Variants in FHIT observed in about 807,000 individuals in gnomAD.
The protein encoded by FHIT is fragile histidine triad diadenosine triphosphatase.
In FHIT, 19 loss-of-function variants were observed where a neutral mutation model predicts 17.9. That is an observed-to-expected ratio of 1.06 (90% confidence interval 0.74 to 1.56). The LOEUF is 1.56. FHIT is among the 40% of genes most tolerant of loss of function. The pLI, the probability that FHIT is intolerant of heterozygous loss-of-function variation, is 0.00. For synonymous variants in FHIT, 81 were observed against 69.7 expected, an observed-to-expected ratio of 1.16 and a Z score of -0.81; for missense variants, 248 against 189.2, an observed-to-expected ratio of 1.31 and a Z score of -1.82.
chr3:60,067,231 A>G (rs1702555077), intron 5 of FHIT, among the ~76,000 whole-genome samples: 2 of 152,162 alleles, frequency 1.3e-5, no homozygotes, highest in African/African-American at 4.8e-5. Context: ...AAAAAATGGC[A>G]CTTATAGATA....
chr3:60,004,617 T>C (rs773555818), intron 7 of FHIT, among the ~76,000 whole-genome samples: 41 of 152,192 alleles, frequency 2.7e-4, no homozygotes, highest in Admixed American at 6.5e-5. Context: ...GAGTTTCTTC[T>C]ACTGTGATTA....
chr3:60,925,595 A>G (rs1161659959), intron 3 of FHIT, among the ~76,000 whole-genome samples: 2 of 152,220 alleles, frequency 1.3e-5, no homozygotes, highest in African/African-American at 2.4e-5. Context: ...GGTACCAGCC[A>G]CTGCAGAAAT....
At chr3:60,456,517 T>C (rs1009651503) in intron 5 of FHIT, among the ~76,000 whole-genome samples, 9 of 152,236 alleles carry the variant, frequency 5.9e-5, no homozygotes, top group Non-Finnish European at 8.8e-5. Context: ...CCCTAAAGAC[T>C]TCAGCATTTA....
At chr3:60,148,475 A>G (rs1700329499) in intron 5 of FHIT, among the ~76,000 whole-genome samples, 1 of 152,206 alleles carries the variant, frequency 6.6e-6, no homozygotes, top group Non-Finnish European at 1.5e-5. Context: ...TTTCTGGTAG[A>G]ATTTTAACTT....
At chr3:59,977,012 C>G (rs1384554496) in intron 7 of FHIT, among the ~76,000 whole-genome samples, 1 of 152,034 alleles carries the variant, frequency 6.6e-6, no homozygotes, top group Non-Finnish European at 1.5e-5. Context: ...GTGGGTGGAT[C>G]AGGCAGTGGG....
At chr3:60,432,459 T>G (rs1414124812) in intron 5 of FHIT, among the ~76,000 whole-genome samples, 2 of 152,096 alleles carry the variant, frequency 1.3e-5, no homozygotes, top group Non-Finnish European at 2.9e-5. Flanking sequence ...AATATACTGA[T>G]AGTGATAAAA....
At chr3:60,256,573 G>A (rs1184966297) in intron 5 of FHIT, among the ~76,000 whole-genome samples, 1 of 152,184 alleles carries the variant, frequency 6.6e-6, no homozygotes, top group Non-Finnish European at 1.5e-5. Flanking sequence ...TAACTTGCCT[G>A]AGGTTACACA....
At chr3:60,329,539 C>T (rs1177849899) in intron 5 of FHIT, among the ~76,000 whole-genome samples, 2 of 152,206 alleles carry the variant, frequency 1.3e-5, no homozygotes, top group African/African-American at 4.8e-5. Flanking sequence ...AAGCAGACCC[C>T]TCTTTCTTTT....
intron 4 of FHIT, among the ~76,000 whole-genome samples, chr3:60,642,247 A>G (rs1033643423): frequency 2.0e-5 from 3 of 152,168 alleles, no homozygotes; most frequent in Non-Finnish European, 4.4e-5. Context: ...CTAATAGGCT[A>G]GGAAGGCGGG....
intron 1 of FHIT, among the ~76,000 whole-genome samples, chr3:61,202,200 C>T (rs1304359330): frequency 6.6e-6 from 1 of 152,108 alleles, no homozygotes; most frequent in African/African-American, 2.4e-5. Flanking sequence ...TGAGGAGCCC[C>T]TCTGCCCGGC....
intron 8 of FHIT, among the ~76,000 whole-genome samples, chr3:59,757,090 C>T (rs1034628890): frequency 4.6e-5 from 7 of 152,140 alleles, no homozygotes; most frequent in Non-Finnish European, 8.8e-5. Flanking sequence ...TCTGCTTGCT[C>T]TGAAAATGCT....
At chr3:60,708,300 A>T (rs1217021844) in intron 4 of FHIT, among the ~76,000 whole-genome samples, 1 of 152,198 alleles carries the variant, frequency 6.6e-6, no homozygotes, top group Non-Finnish European at 1.5e-5. Flanking sequence ...TCCAAACCAG[A>T]GAGCATGTAT....
intron 2 of FHIT, among the ~76,000 whole-genome samples, chr3:61,056,640 T>A (rs761580048): frequency 3.3e-5 from 5 of 152,060 alleles, no homozygotes; most frequent in Non-Finnish European, 5.9e-5. Flanking sequence ...GGAAGTGCAT[T>A]CCCAACAGAG....
At chr3:60,300,244 C>T (rs1559800876) in intron 5 of FHIT, among the ~76,000 whole-genome samples, 1 of 151,980 alleles carries the variant, frequency 6.6e-6, no homozygotes, top group Non-Finnish European at 1.5e-5. Flanking sequence ...GTGAAAGTCC[C>T]CTTGTTTTAC....
intron 5 of FHIT, among the ~76,000 whole-genome samples, chr3:60,167,983 C>G (rs962086900): frequency 6.6e-6 from 1 of 152,126 alleles, no homozygotes; most frequent in Non-Finnish European, 1.5e-5. Context: ...GTGATCACAC[C>G]AGTGCACTCC....
chr3:60,986,347 T>C lies in FHIT; in HGVS notation c.-111+55700A>G, dbSNP rs376746039. Among the ~76,000 whole-genome samples, 12 of 152,336 alleles carry C rather than the reference T, an allele frequency of 7.9e-5. No individual in the cohort carries two copies. In the South Asian group the frequency reaches 2.5e-3, roughly 32 times the overall value. On this transcript the variant is annotated intron_variant, in intron 3 of 9. Coordinates refer to ENST00000492590, the MANE Select transcript of FHIT (RefSeq NM_002012.4). Reference sequence around the variant, plus strand: ...CACTAGATTAAGAGGTTGCAGAGGCTGGAATAGATCTTGGCCTTTTTAAAA... The same window carrying C: ...CACTAGATTAAGAGGTTGCAGAGGCCGGAATAGATCTTGGCCTTTTTAAAA...
At chr3:60,103,580 T>C (rs554921104) in intron 5 of FHIT, among the ~76,000 whole-genome samples, 1 of 152,242 alleles carries the variant, frequency 6.6e-6, no homozygotes, top group East Asian at 1.9e-4. Context: ...TTTCAGGAAG[T>C]TTATTTGCTC....
chr3:60,790,074 T>C (rs1700723215), intron 4 of FHIT, among the ~76,000 whole-genome samples: 1 of 152,208 alleles, frequency 6.6e-6, no homozygotes, highest in Admixed American at 6.5e-5. Flanking sequence ...ATTAAATGGA[T>C]TTTTAAAAGA....
At chr3:60,567,247 G>A (rs2037172098) in intron 4 of FHIT, among the ~76,000 whole-genome samples, 2 of 151,994 alleles carry the variant, frequency 1.3e-5, no homozygotes, top group African/African-American at 4.8e-5. Flanking sequence ...GCATGGTACT[G>A]GTACCAAAAC....
Sources: gnomAD v4.1 joint callset for allele counts (sites outside exome capture counted in the v4.1 genomes callset) on GRCh38, gnomAD v4.1.1 for gene constraint, MANE v1.5 for transcripts, NCBI Gene and HGNC (gene_info 2026-07-23, HGNC 2026-07-21) for gene names.